SLC24A3: variants seen among roughly 807,000 people sequenced by gnomAD.
The protein encoded by SLC24A3 is solute carrier family 24 member 3, also known as sodium/potassium/calcium exchanger 3.
In SLC24A3, 28 loss-of-function variants were observed where a neutral mutation model predicts 75.8. That is an observed-to-expected ratio of 0.37 (90% CI 0.27 to 0.51). The LOEUF (loss-of-function observed/expected upper bound fraction) is 0.51. SLC24A3 is among the 20% of genes least tolerant of loss of function. The pLI is 0.94. For synonymous variants in SLC24A3, 372 were observed against 334.1 expected (o/e 1.11, Z -1.24); for missense variants, 663 against 847.8 (o/e 0.78, Z 2.71).
chr20:19,642,457 C>G (rs2032087378), intron 6 of SLC24A3, among the ~76,000 whole-genome samples: 1 of 152,132 alleles, frequency 6.6e-6, no homozygotes, highest in Admixed American at 6.5e-5. Flanking sequence ...TCACACAGTA[C>G]CTGAAGGGTG....
chr20:19,301,179 T>G (rs1984187823), intron 2 of SLC24A3, among the ~76,000 whole-genome samples: 1 of 152,168 alleles, frequency 6.6e-6, no homozygotes, highest in African/African-American at 2.4e-5. Context: ...CCTGTTCAGC[T>G]TAGGATTGGA....
chr20:19,309,175 G>A (rs578023138), intron 2 of SLC24A3, among the ~76,000 whole-genome samples: 3 of 152,156 alleles, frequency 2.0e-5, no homozygotes, highest in South Asian at 2.1e-4. Flanking sequence ...GTTTCATCCC[G>A]ACAGCAGATC....
chr20:19,394,725 T>G (rs894290429), intron 2 of SLC24A3, among the ~76,000 whole-genome samples: 3 of 152,194 alleles, frequency 2.0e-5, no homozygotes, highest in African/African-American at 7.2e-5. Flanking sequence ...TAACAACTGT[T>G]GATAAGTCTG....
In SLC24A3 at chr20:19,212,696, G is replaced by A; in HGVS notation, c.-147G>A. 1 of 486,798 alleles carries A rather than the reference G, an allele frequency of 2.1e-6. No homozygotes were observed. The highest frequency in any genetic ancestry group is 2.7e-6 in the Non-Finnish European group (1 of 375,612). 30.2% of individuals were successfully genotyped at this position (486,798 alleles called of 1,614,324 possible). ...GACGGGCAGCGGCGAGGAGGAGGAA[G>A]AGGAGGCGGAGGCGGCGGCCGGGTG... On this transcript the variant is annotated 5_prime_UTR_variant, in exon 1 of 17. Transcript: ENST00000328041.
chr20:19,237,753 AT>A (rs1202797725), intron 1 of SLC24A3, among the ~76,000 whole-genome samples: 1 of 152,184 alleles, frequency 6.6e-6, no homozygotes, highest in Non-Finnish European at 1.5e-5. Context: ...CAGGAGAGAT[AT>A]GCAGCTCTCA....
intron 1 of SLC24A3, among the ~76,000 whole-genome samples, chr20:19,277,983 C>T (rs1983536475): frequency 1.3e-5 from 2 of 152,132 alleles, no homozygotes; most frequent in Non-Finnish European, 2.9e-5. Flanking sequence ...CAGCATGACT[C>T]TCTCTTTAGG....
intron 3 of SLC24A3, among the ~76,000 whole-genome samples, chr20:19,573,413 T>A (rs141378134): frequency 1.5e-4 from 23 of 152,352 alleles, no homozygotes; most frequent in Non-Finnish European, 3.2e-4. Flanking sequence ...GAATCCTGGG[T>A]CAATAGCCAC....
intron 6 of SLC24A3, among the ~76,000 whole-genome samples, chr20:19,599,559 T>G (rs1292442651): frequency 2.6e-5 from 4 of 152,238 alleles, no homozygotes; most frequent in Non-Finnish European, 4.4e-5. Flanking sequence ...CACCTGATAG[T>G]GCTGAGCCTG....
At chr20:19,238,983 C>CACAA (rs1982250694) in intron 1 of SLC24A3, among the ~76,000 whole-genome samples, 1 of 151,620 alleles carries the variant, frequency 6.6e-6, no homozygotes, top group East Asian at 1.9e-4. Context: ...CACACACACA[C>CACAA]ACACACCTGC....
chr20:19,661,993 G>A (rs1482552022), intron 7 of SLC24A3, among the ~76,000 whole-genome samples: 1 of 152,180 alleles, frequency 6.6e-6, no homozygotes, highest in African/African-American at 2.4e-5. Context: ...CCGTTTCTCT[G>A]AAGCCTGGAG....
At chr20:19,438,379 C>A (rs867946289) in intron 2 of SLC24A3, among the ~76,000 whole-genome samples, 2 of 152,188 alleles carry the variant, frequency 1.3e-5, no homozygotes, top group Non-Finnish European at 2.9e-5. Flanking sequence ...CTTCAATGTC[C>A]GGCTCCTGGC....
chr20:19,664,335 T>C (rs2032372738), intron 7 of SLC24A3, among the ~76,000 whole-genome samples: 1 of 152,244 alleles, frequency 6.6e-6, no homozygotes, highest in Non-Finnish European at 1.5e-5. Flanking sequence ...GTTGCCTTTA[T>C]TTCTTTAATT....
chr20:19,345,263 CA>C (rs1337613989), intron 2 of SLC24A3, among the ~76,000 whole-genome samples: 2 of 151,760 alleles, frequency 1.3e-5, no homozygotes, highest in African/African-American at 4.8e-5. Flanking sequence ...TGAAAGAAAT[CA>C]AAAAAAGAAC....
chr20:19,240,134 A>AT (rs1982287042), intron 1 of SLC24A3, among the ~76,000 whole-genome samples: 1 of 152,066 alleles, frequency 6.6e-6, no homozygotes, highest in African/African-American at 2.4e-5. Context: ...TAAAGCATTC[A>AT]TTTTTTCGTT....
intron 2 of SLC24A3, among the ~76,000 whole-genome samples, chr20:19,371,582 G>A (rs1985993395): frequency 6.6e-6 from 1 of 152,106 alleles, no homozygotes; most frequent in African/African-American, 2.4e-5. Context: ...TCCTACCATT[G>A]GTAATAAACC....
At chr20:19,267,893 G>A (rs1311744160) in intron 1 of SLC24A3, among the ~76,000 whole-genome samples, 2 of 152,078 alleles carry the variant, frequency 1.3e-5, no homozygotes, top group Non-Finnish European at 2.9e-5. Context: ...TCCCAGAAAA[G>A]GTTAGCATAT....
chr20:19,290,109 C>T (rs971430595), intron 2 of SLC24A3, among the ~76,000 whole-genome samples: 16 of 152,162 alleles, frequency 1.1e-4, no homozygotes, highest in African/African-American at 3.6e-4. Context: ...GCTGCACCTG[C>T]GCCCTACTGG....
rs569086194 is a variant in SLC24A3, at chr20:19,423,276, C to T, written c.272-92212C>T. ...TTGAGGGGCTGAGCTCAGAAGGGGC[C>T]ATCTCCCTTCCTCTAGCTTTTCCTG... On this transcript the variant is annotated intron_variant, in intron 2 of 16. Coordinates refer to ENST00000328041, the MANE Select transcript of SLC24A3 (RefSeq NM_020689.4). 1.3e-3 allele frequency among the ~76,000 whole-genome samples: 196 copies of T among 152,184 alleles called. 1 individual carries two copies. Among genetic ancestry groups the T allele is most frequent in the Non-Finnish European group, 2.0e-3 (136 of 68,020 alleles).
intron 2 of SLC24A3, among the ~76,000 whole-genome samples, chr20:19,339,345 A>G (rs1334702963): frequency 1.3e-5 from 2 of 152,152 alleles, no homozygotes; most frequent in Admixed American, 6.5e-5. Flanking sequence ...AGAAGGAAGC[A>G]TGTAAATAAA....
Sources: gnomAD v4.1 joint callset for allele counts (sites outside exome capture counted in the v4.1 genomes callset) on GRCh38, gnomAD v4.1.1 for gene constraint, MANE v1.5 for transcripts, NCBI Gene and HGNC (gene_info 2026-07-23, HGNC 2026-07-21) for gene names.